LRRC37A3: variants seen among roughly 807,000 people sequenced by gnomAD.
The protein encoded by LRRC37A3 is leucine rich repeat containing 37 member A3, also known as leucine-rich repeat-containing protein 37A3.
Under a neutral mutation model 106.2 loss-of-function variants are expected in LRRC37A3, and 25 were observed. The observed-to-expected ratio is 0.24, with a 90% CI of 0.17 to 0.33. The LOEUF (loss-of-function observed/expected upper bound fraction) is 0.33. LRRC37A3 is among the 10% of genes least tolerant of loss of function. LRRC37A3 has a pLI of 1.00. For synonymous variants in LRRC37A3, 305 were observed against 635.8 expected (o/e 0.48, Z 7.83); for missense variants, 712 against 1,644.9 (o/e 0.43, Z 9.81).
intron 8 of LRRC37A3, among the ~76,000 whole-genome samples, chr17:64,873,456 G>C (rs566331306): frequency 6.6e-6 from 1 of 152,260 alleles, no homozygotes; most frequent in African/African-American, 2.4e-5. Context: ...CACCATGCCT[G>C]GCCTAGAGAA....
At chr17:64,866,608 ATATATATATATATATATATATTTTTTTT>A (rs1567766538) in intron 10 of LRRC37A3, among the ~76,000 whole-genome samples, 14 of 19,382 alleles carry the variant, frequency 7.2e-4, no homozygotes, top group African/African-American at 4.4e-3. Context: ...ATATATATAT[ATATATATATATATATATATATTTTTTTT>A]TTTTTTTTTT....
At chr17:64,859,011 T>A in intron 12 of LRRC37A3, 128 bp from the exon 13 acceptor site, 1 of 709,644 alleles carries the variant, frequency 1.4e-6, no homozygotes, top group Non-Finnish European at 2.4e-6. Flanking sequence ...TGGGGTACAG[T>A]GGTGCAATCA....
chr17:64,876,008 C>A (rs1284421408), intron 8 of LRRC37A3, among the ~76,000 whole-genome samples: 5 of 152,060 alleles, frequency 3.3e-5, no homozygotes, highest in South Asian at 4.2e-4. Flanking sequence ...GTAGCTGAGA[C>A]GACAGATGCG....
chr17:64,858,740 G>C (rs1420054827), intron 13 of LRRC37A3, 39 bp downstream of exon 13: 16 of 1,460,838 alleles, frequency 1.1e-5, no homozygotes, highest in Non-Finnish European at 1.5e-5. Context: ...ACAAAGACAG[G>C]ACTGCATTCT....
intron 14 of LRRC37A3, among the ~76,000 whole-genome samples, 164 bp from the exon 15 acceptor site, chr17:64,854,808 G>A (rs1272380884): frequency 6.6e-6 from 1 of 152,198 alleles, no homozygotes; most frequent in Non-Finnish European, 1.5e-5. Flanking sequence ...CAGCTTCCAT[G>A]TGTGATTATT....
chr17:64,910,833 G>A (rs1197487882), intron 2 of LRRC37A3, among the ~76,000 whole-genome samples: 2 of 147,914 alleles, frequency 1.4e-5, no homozygotes, highest in Non-Finnish European at 3.0e-5. Context: ...GTAGAGACGG[G>A]GTCTCACCAT....
rs753569476 is a variant in LRRC37A3 at position 64,860,157 on chromosome 17, T to C, written c.3989A>G (p.Lys1330Arg). 3 of 1,614,000 alleles carry C rather than the reference T, an allele frequency of 1.9e-6. No individual in the cohort carries two copies. Among genetic ancestry groups the C allele is most frequent in the Non-Finnish European group, 2.5e-6 (3 of 1,179,864 alleles). The change falls in exon 12 of 15, where the codon AAA becomes AGA. Residue 1330 changes from lysine (K) to arginine (R), a missense_variant. Physicochemically the swap from Lys to Arg is conservative, Grantham distance 26 (BLOSUM62 2). Transcript: ENST00000584306. ...GAGCATCAGTCTACTCAGATAACTT[T>C]TCTTTCTGACCTTTGGACTCTTTTT... ...KVKKSPKVRK[K>R]SYLSRLMLSN...
chr17:64,865,782 G>A (rs1246029323), intron 10 of LRRC37A3, among the ~76,000 whole-genome samples: 7 of 152,138 alleles, frequency 4.6e-5, no homozygotes, highest in East Asian at 1.9e-4. Flanking sequence ...TATGCGGTCC[G>A]TATACACATT....
intron 2 of LRRC37A3, among the ~76,000 whole-genome samples, chr17:64,915,878 G>T (rs1974690980): frequency 6.6e-6 from 1 of 151,114 alleles, no homozygotes; most frequent in African/African-American, 2.4e-5. Context: ...TAGGCAGATT[G>T]CTTGAGCTCA....
At chr17:64,856,621 G>A (rs1318372612) in intron 13 of LRRC37A3, among the ~76,000 whole-genome samples, 2 of 150,002 alleles carry the variant, frequency 1.3e-5, no homozygotes, top group Non-Finnish European at 3.0e-5. Flanking sequence ...ATCTGAAGAT[G>A]TGGACCTGCT....
At chr17:64,875,660 G>A (rs560110243) in intron 8 of LRRC37A3, among the ~76,000 whole-genome samples, 16 of 152,150 alleles carry the variant, frequency 1.1e-4, no homozygotes, top group Middle Eastern at 3.4e-3. Flanking sequence ...GTGGTGTTAC[G>A]TGCCTGCAGT....
At chr17:64,909,637 C>T (rs1974538960) in intron 2 of LRRC37A3, 1 of 152,240 alleles carries the variant, frequency 6.6e-6, no homozygotes, top group Non-Finnish European at 1.5e-5. Flanking sequence ...GGATACTCCC[C>T]TTACCAAGCA....
Position 64,859,500 on chromosome 17 carries a change from T to C in LRRC37A3, c.4646A>G (p.Glu1549Gly), listed in dbSNP as rs1972795317. ...IEWDTDQWKT[E>G]NYINESTEAQ... is the part of the protein sequence containing the mutation. ...TTCTGTGCTCTCATTAATGTAGTTCTCAGTCTTCCATTGGTCCGTATCCCA... is the reference window on the plus strand; with the variant it reads ...TTCTGTGCTCTCATTAATGTAGTTCCCAGTCTTCCATTGGTCCGTATCCCA... Residue 1549 changes from glutamate to glycine, a missense_variant, in exon 12 of 15, where the codon GAG becomes GGG. Coordinates refer to ENST00000584306, the MANE Select transcript of LRRC37A3 (RefSeq NM_199340.5). 1 of 1,611,976 alleles carries C rather than the reference T, an allele frequency of 6.2e-7. No homozygotes were observed. The highest frequency in any genetic ancestry group is 2.2e-5 in the East Asian group (1 of 44,824).
chr17:64,863,067 G>C (rs755386893), intron 10 of LRRC37A3, 49 bp from the exon 11 acceptor site: 1 of 1,595,612 alleles, frequency 6.3e-7, no homozygotes. Flanking sequence ...GCGGTTACTT[G>C]AGTAGGTAAA....
At chr17:64,857,559 C>T (rs887650447) in intron 13 of LRRC37A3, among the ~76,000 whole-genome samples, 4 of 149,426 alleles carry the variant, frequency 2.7e-5, no homozygotes, top group Admixed American at 6.6e-5. Flanking sequence ...GGTACGACCA[C>T]AGCTCACTGC....
chr17:64,870,832 T>C (rs1211281622), intron 8 of LRRC37A3, among the ~76,000 whole-genome samples: 1 of 151,876 alleles, frequency 6.6e-6, no homozygotes. Flanking sequence ...TTCTATTTTC[T>C]TTCCTTTCCT....
intron 13 of LRRC37A3, 21 bp downstream of exon 13, chr17:64,858,758 T>C: frequency 6.4e-7 from 1 of 1,571,570 alleles, no homozygotes; most frequent in South Asian, 1.1e-5. Context: ...TCTGAAAACC[T>C]GAATTAATTA....
chr17:64,913,888 T>C (rs1974649355), intron 2 of LRRC37A3, among the ~76,000 whole-genome samples: 1 of 152,004 alleles, frequency 6.6e-6, no homozygotes. Context: ...TCAGCAAGGA[T>C]AGGGAAGACC....
Position 64,860,753 on chromosome 17 carries a change from G to T in LRRC37A3, c.3393C>A (p.Asn1131Lys), listed in dbSNP as rs1353351288. Residue 1131 changes from asparagine (N) to lysine (K), a missense_variant, in exon 12 of 15, where the codon AAC becomes AAA. Physicochemically the swap from Asn to Lys is moderately conservative, Grantham distance 94. Transcript: ENST00000584306. ...GTAGTAACAGTGATTTCACATCTAG[G>T]TTAACGGCTGAGAAATAAGGTAAGA... is the stretch of plus-strand genomic sequence containing the variant. The part of the protein sequence containing the change: ...SYILPYFSAV[N>K]LDVKSLLLPF... 2 of 1,614,034 alleles carry T rather than the reference G, an allele frequency of 1.2e-6. No individual in the cohort carries two copies. The highest frequency in any genetic ancestry group is 1.7e-6 in the Non-Finnish European group (2 of 1,179,946).
Sources: gnomAD v4.1 joint callset for allele counts (sites outside exome capture counted in the v4.1 genomes callset) on GRCh38, gnomAD v4.1.1 for gene constraint, MANE v1.5 for transcripts, NCBI Gene and HGNC (gene_info 2026-07-23, HGNC 2026-07-21) for gene names.